The following CLOCK variants were observed in gnomAD, a reference collection of about 807,000 sequenced individuals.
CLOCK encodes clock circadian regulator.
In CLOCK, 43 loss-of-function variants were observed where a neutral mutation model predicts 118.4. That is an observed-to-expected ratio of 0.36 (90% CI 0.28 to 0.47). CLOCK has a LOEUF of 0.47. CLOCK is among the 20% of genes least tolerant of loss of function. The pLI is 1.00. For missense variants in CLOCK, 846 were observed against 999.9 expected (o/e 0.85, Z 2.08); for synonymous variants, 326 against 339.2 (o/e 0.96, Z 0.43).
At chr4:55,477,925 C>A (rs991632341) in intron 6 of CLOCK, among the ~76,000 whole-genome samples, 10 of 151,816 alleles carry the variant, frequency 6.6e-5, no homozygotes, top group Non-Finnish European at 4.4e-5. Context: ...GAAGAAGATG[C>A]GGTATAAGAA....
chr4:55,540,997 AG>A (rs1327213362), intron 1 of CLOCK, among the ~76,000 whole-genome samples: 1 of 152,260 alleles, frequency 6.6e-6, no homozygotes, highest in Admixed American at 6.5e-5. Context: ...TAAAAGACAA[AG>A]TAATTCATAA....
At chr4:55,522,454 AG>A (rs1167122615) in intron 1 of CLOCK, among the ~76,000 whole-genome samples, 1 of 152,118 alleles carries the variant, frequency 6.6e-6, no homozygotes, top group Non-Finnish European at 1.5e-5. Context: ...CATATCAGTA[AG>A]AAAAAAAGAT....
intron 9 of CLOCK, among the ~76,000 whole-genome samples, chr4:55,462,697 T>G (rs1051482915): frequency 1.3e-5 from 2 of 152,224 alleles, no homozygotes; most frequent in African/African-American, 4.8e-5. Context: ...TAAATCTTTC[T>G]AAGTACCAGA....
intron 1 of CLOCK, among the ~76,000 whole-genome samples, chr4:55,528,033 C>CAA (rs11361087): frequency 1.4e-4 from 19 of 138,330 alleles, no homozygotes; most frequent in African/African-American, 5.2e-4. Flanking sequence ...CCCTGTCTCT[C>CAA]AAAAAAAAAA....
rs1453295989 is a variant in CLOCK, at chr4:55,428,129, A to AGTT, written c.*7283_*7285dup. 6.6e-6 allele frequency: 1 copy of AGTT among 152,194 alleles called. No individual in the cohort carries two copies. The highest frequency in any genetic ancestry group is 1.5e-5 in the Non-Finnish European group (1 of 68,034). The allele number at this position is 152,194 out of a possible 1,614,324, so 9.4% of individuals were successfully genotyped here. A position where few individuals can be genotyped will look rare whatever the true frequency, so the allele number is the denominator to read the frequency against. ...GCTACTGCTTGGCTCTTTTGCTATAAGTTTAGGTTCTGAATACATGACAAG... is the reference window on the plus strand; with the variant it reads ...GCTACTGCTTGGCTCTTTTGCTATAAGTTGTTTAGGTTCTGAATACATGACAAG... On this transcript the variant is annotated 3_prime_UTR_variant, in exon 23 of 23. Transcript: ENST00000513440.
At chr4:55,490,290 G>A (rs1048858924) in intron 2 of CLOCK, among the ~76,000 whole-genome samples, 2 of 151,918 alleles carry the variant, frequency 1.3e-5, no homozygotes, top group Admixed American at 6.6e-5. Context: ...ATAGTAATAA[G>A]AGTCAATTCA....
At chr4:55,500,597 T>C (rs1399422509) in intron 2 of CLOCK, among the ~76,000 whole-genome samples, 3 of 151,910 alleles carry the variant, frequency 2.0e-5, no homozygotes, top group African/African-American at 7.3e-5. Flanking sequence ...GCAATCCTCC[T>C]GCCGTGACCT....
intron 1 of CLOCK, among the ~76,000 whole-genome samples, chr4:55,533,021 AAT>A (rs1307501385): frequency 6.6e-6 from 1 of 152,196 alleles, no homozygotes; most frequent in Non-Finnish European, 1.5e-5. Context: ...TGAAAGAGTT[AAT>A]ACTGTTAAAA....
chr4:55,442,880 A>G (rs1288718488), intron 20 of CLOCK, among the ~76,000 whole-genome samples: 1 of 152,152 alleles, frequency 6.6e-6, no homozygotes, highest in Non-Finnish European at 1.5e-5. Flanking sequence ...TAGAGATGAT[A>G]TAAAATATAC....
intron 1 of CLOCK, among the ~76,000 whole-genome samples, chr4:55,523,103 G>A (rs111467303): frequency 6.6e-6 from 1 of 151,672 alleles, no homozygotes; most frequent in Non-Finnish European, 1.5e-5. Flanking sequence ...AGACCATCCT[G>A]GCTAACACGG....
At chr4:55,483,359 C>T (rs779556094) in intron 3 of CLOCK, among the ~76,000 whole-genome samples, 22 of 152,092 alleles carry the variant, frequency 1.4e-4, no homozygotes, top group Admixed American at 2.6e-4. Context: ...TATGTCTACC[C>T]GTGGGAATTA....
chr4:55,433,017 T>C lies in CLOCK; in HGVS notation c.*2398A>G, dbSNP rs143500597. ...GTGGTATGTAGAGGACAGGCCTCAA[T>C]ATAATAGTTCTTCATATCTTTTGTT... On this transcript the variant is annotated 3_prime_UTR_variant, in exon 23 of 23. Transcript: ENST00000513440. The C allele has an allele frequency of 3.0e-4, 46 of 152,706 alleles. No individual in the cohort carries two copies. The highest frequency in any genetic ancestry group is 1.0e-3 in the African/African-American group (43 of 41,570). The allele number at this position is 152,706 out of a possible 1,614,324, so 9.5% of individuals were successfully genotyped here.
In CLOCK at chr4:55,438,386, C is replaced by T. The variant is rs1311177158; in HGVS notation, c.2257G>A (p.Val753Ile). ...TQQQQSQTLS[V>I]TQQQQQQSSQ... ...CTCTGCTGCTGCTGCTGCTGCGTTA[C>T]TGACAATGTCTGTGACTGTTGCTGT... The change falls in exon 22 of 23, where the codon GTA becomes ATA. Residue 753 changes from valine (V) to isoleucine (I), a missense_variant. Physicochemically the swap from Val to Ile is conservative, Grantham distance 29 (BLOSUM62 3). Coordinates refer to ENST00000513440, the MANE Select transcript of CLOCK (RefSeq NM_004898.4). The T allele has an allele frequency of 1.7e-5, 27 of 1,613,878 alleles. No homozygotes were observed. The highest frequency in any genetic ancestry group is 2.0e-5 in the Non-Finnish European group (24 of 1,179,934).
chr4:55,521,404 G>A (rs1273059003), intron 1 of CLOCK, among the ~76,000 whole-genome samples: 2 of 152,204 alleles, frequency 1.3e-5, no homozygotes, highest in Admixed American at 6.5e-5. Context: ...ATTTAGCAGA[G>A]ACGGGGTTTC....
At chr4:55,538,606 G>GA (rs1731057680) in intron 1 of CLOCK, among the ~76,000 whole-genome samples, 1 of 151,722 alleles carries the variant, frequency 6.6e-6, no homozygotes, top group Non-Finnish European at 1.5e-5. Context: ...GATCCAAAAA[G>GA]AAAAAAGGGG....
At position 55,439,415 on chromosome 4, in the gene CLOCK, G is replaced by A. The variant is rs115874551; in HGVS notation, c.2106-878C>T. Among the ~76,000 whole-genome samples the A allele has an allele frequency of 3.4e-3, 525 of 152,196 alleles. 1 individual carries two copies. The highest frequency in any genetic ancestry group is 0.01 in the Middle Eastern group (3 of 294). On this transcript the variant is annotated intron_variant, in intron 21 of 22. Coordinates refer to ENST00000513440, the MANE Select transcript of CLOCK (RefSeq NM_004898.4). ...AGAGAAACCTTGTGCAGTGCTGGTG[G>A]GAATGTAAAAATGGTGCAGCCACTA...
At chr4:55,524,018 T>G (rs1473106917) in intron 1 of CLOCK, among the ~76,000 whole-genome samples, 3 of 152,144 alleles carry the variant, frequency 2.0e-5, no homozygotes, top group Non-Finnish European at 4.4e-5. Context: ...TCCAGTAAAT[T>G]TTGGCATGCA....
intron 2 of CLOCK, among the ~76,000 whole-genome samples, chr4:55,500,707 T>C (rs951552857): frequency 7.9e-5 from 12 of 152,226 alleles, no homozygotes; most frequent in Non-Finnish European, 1.5e-5. Context: ...CTATCCATTA[T>C]GTTTTATCCA....
chr4:55,441,740 AG>A (rs538671922), intron 21 of CLOCK, among the ~76,000 whole-genome samples: 78 of 152,268 alleles, frequency 5.1e-4, no homozygotes, highest in South Asian at 5.0e-3. Context: ...GGTGGGGGTG[AG>A]GGATAAAAAA....
Sources: allele counts gnomAD v4.1 joint callset (sites outside exome capture counted in the v4.1 genomes callset), GRCh38; gene constraint gnomAD v4.1.1; transcripts MANE v1.5; gene names NCBI Gene and HGNC (gene_info 2026-07-23, HGNC 2026-07-21).